The following ASIC2 variants were observed in gnomAD, a reference collection of about 807,000 sequenced individuals.
The protein encoded by ASIC2 is acid sensing ion channel subunit 2.
A neutral mutation model predicts 57.3 loss-of-function variants in ASIC2; 25 were observed. That is an observed-to-expected ratio of 0.44 (90% confidence interval 0.32 to 0.61). The LOEUF (loss-of-function observed/expected upper bound fraction) is 0.61, where lower values mean the gene tolerates loss of function less well. Ranked by LOEUF, ASIC2 falls within the 20% of genes least tolerant of loss-of-function variation. The pLI is 0.06. For synonymous variants in ASIC2, 319 were observed against 307.5 expected (o/e 1.04, Z -0.39); for missense variants, 641 against 738.1 (o/e 0.87, Z 1.52).
At chr17:33,717,984 C>A (rs562382447) in intron 1 of ASIC2, among the ~76,000 whole-genome samples, 57 of 152,188 alleles carry the variant, frequency 3.7e-4, no homozygotes, top group African/African-American at 1.4e-3. Context: ...CCTTAAGAAA[C>A]CCAGAGTGTG....
intron 1 of ASIC2, among the ~76,000 whole-genome samples, chr17:34,132,832 A>G (rs1912029666): frequency 6.6e-6 from 1 of 152,194 alleles, no homozygotes; most frequent in Non-Finnish European, 1.5e-5. Flanking sequence ...AGTCTCAGGT[A>G]AAAAATCAGG....
intron 1 of ASIC2, among the ~76,000 whole-genome samples, chr17:33,444,319 G>C (rs1212412848): frequency 6.6e-6 from 1 of 152,204 alleles, no homozygotes; most frequent in African/African-American, 2.4e-5. Flanking sequence ...AAGTCAAAGA[G>C]TAAAAGCTCT....
rs552986286 is a variant in ASIC2 at position 33,713,413 on chromosome 17, A to G, written c.555+442565T>C. On this transcript the variant is annotated intron_variant, in intron 1 of 9. Transcript: ENST00000359872. ...TTCCTAACATCTGGTGGTTGCAGCA[A>G]TCTTTGGTAATCTGTGCAGCTGCAC... Among the ~76,000 whole-genome samples, 9 of 152,268 alleles carry G rather than the reference A, an allele frequency of 5.9e-5. 1 individual carries two copies. The highest frequency in any genetic ancestry group is 1.0e-4 in the Non-Finnish European group (7 of 68,020).
intron 1 of ASIC2, among the ~76,000 whole-genome samples, chr17:34,035,688 A>T (rs1397810822): frequency 6.6e-6 from 1 of 152,156 alleles, no homozygotes; most frequent in Non-Finnish European, 1.5e-5. Context: ...ATTTACAAGA[A>T]AAAAACAAAC....
At chr17:33,785,242 A>G (rs1911568095) in intron 1 of ASIC2, among the ~76,000 whole-genome samples, 2 of 152,176 alleles carry the variant, frequency 1.3e-5, no homozygotes, top group Admixed American at 6.5e-5. Context: ...CTACAAGCCA[A>G]GAAGAGAGGC....
chr17:33,908,171 TAG>T (rs1350845112), intron 1 of ASIC2, among the ~76,000 whole-genome samples: 2 of 152,198 alleles, frequency 1.3e-5, no homozygotes, highest in East Asian at 3.8e-4. Flanking sequence ...GCTGTATTCT[TAG>T]AGACACGGAC....
intron 1 of ASIC2, among the ~76,000 whole-genome samples, chr17:33,134,797 A>G (rs913173388): frequency 6.6e-6 from 1 of 150,936 alleles, no homozygotes; most frequent in African/African-American, 2.5e-5. Context: ...GAGAAGGGGA[A>G]CTCCATCATA....
At chr17:33,783,608 G>A (rs1459698641) in intron 1 of ASIC2, among the ~76,000 whole-genome samples, 1 of 152,194 alleles carries the variant, frequency 6.6e-6, no homozygotes, top group Non-Finnish European at 1.5e-5. Context: ...TGGTGTCTGG[G>A]CCACCCATCC....
At chr17:33,573,628 T>C (rs1372386186) in intron 1 of ASIC2, among the ~76,000 whole-genome samples, 1 of 152,208 alleles carries the variant, frequency 6.6e-6, no homozygotes, top group Non-Finnish European at 1.5e-5. Flanking sequence ...AGCAGTGTCA[T>C]GATCTTGGCT....
At chr17:33,848,099 T>A (rs907152875) in intron 1 of ASIC2, among the ~76,000 whole-genome samples, 2 of 152,168 alleles carry the variant, frequency 1.3e-5, no homozygotes, top group Non-Finnish European at 2.9e-5. Flanking sequence ...CTTCAGAGCC[T>A]GAGCTCTTTG....
At chr17:33,552,386 C>T (rs1305252505) in intron 1 of ASIC2, among the ~76,000 whole-genome samples, 1 of 152,178 alleles carries the variant, frequency 6.6e-6, no homozygotes, top group Non-Finnish European at 1.5e-5. Context: ...ATACAATCTT[C>T]CCTCAGTAAC....
chr17:33,321,049 C>T lies in ASIC2; in HGVS notation c.556-208982G>A, dbSNP rs116211030. 3.5e-3 allele frequency among the ~76,000 whole-genome samples: 529 copies of T among 152,316 alleles called. 2 individuals carry two copies. The highest frequency in any genetic ancestry group is 0.012 in the African/African-American group (489 of 41,562). ...CTGCTGTGAATATCCTTGTTCAAGG[C>T]TTTCGGTGAACATATGTATCCACTT... On this transcript the variant is annotated intron_variant, in intron 1 of 9. Transcript: ENST00000359872.
At chr17:34,142,513 T>G (rs1912299098) in intron 1 of ASIC2, among the ~76,000 whole-genome samples, 1 of 152,210 alleles carries the variant, frequency 6.6e-6, no homozygotes, top group African/African-American at 2.4e-5. Flanking sequence ...CCAAATCTAA[T>G]TAAACAACAT....
At chr17:33,129,939 C>T (rs1184381795) in intron 1 of ASIC2, among the ~76,000 whole-genome samples, 3 of 152,244 alleles carry the variant, frequency 2.0e-5, no homozygotes, top group Non-Finnish European at 4.4e-5. Flanking sequence ...CACTGGGCGG[C>T]TGAACAGCGG....
chr17:33,640,798 A>T (rs1247367363), intron 1 of ASIC2, among the ~76,000 whole-genome samples: 3 of 152,156 alleles, frequency 2.0e-5, no homozygotes, highest in Non-Finnish European at 4.4e-5. Context: ...GGTATTGCTG[A>T]GGCTGAGCCC....
intron 1 of ASIC2, among the ~76,000 whole-genome samples, chr17:33,409,825 G>C (rs570298239): frequency 4.1e-4 from 63 of 152,316 alleles, no homozygotes; most frequent in African/African-American, 1.4e-3. Flanking sequence ...CCCCAGCCCA[G>C]TTTGGGCGGC....
At chr17:33,138,886 T>A (rs1314765373) in intron 1 of ASIC2, among the ~76,000 whole-genome samples, 1 of 152,212 alleles carries the variant, frequency 6.6e-6, no homozygotes. Context: ...CAGGATCACA[T>A]AGTATTTAGT....
chr17:34,143,462 T>G (rs1912326971), intron 1 of ASIC2, among the ~76,000 whole-genome samples: 1 of 152,220 alleles, frequency 6.6e-6, no homozygotes, highest in African/African-American at 2.4e-5. Flanking sequence ...GGTTACTTCT[T>G]GTAGGAATGA....
At chr17:33,775,777 C>T (rs962212617) in intron 1 of ASIC2, among the ~76,000 whole-genome samples, 1 of 152,124 alleles carries the variant, frequency 6.6e-6, no homozygotes, top group Non-Finnish European at 1.5e-5. Flanking sequence ...CTCAGCTCTT[C>T]CACTCTCTGT....
Sources: allele counts gnomAD v4.1 joint callset (sites outside exome capture counted in the v4.1 genomes callset), GRCh38; gene constraint gnomAD v4.1.1; transcripts MANE v1.5; gene names NCBI Gene and HGNC (gene_info 2026-07-23, HGNC 2026-07-21).